Variants in EPC1 observed in about 807,000 individuals in gnomAD.
EPC1 encodes enhancer of polycomb homolog 1.
Under a neutral mutation model 98.4 loss-of-function variants are expected in EPC1, and 12 were observed. The ratio of observed to expected loss-of-function variants is 0.12; its 90% CI spans 0.08 to 0.20. The LOEUF (loss-of-function observed/expected upper bound fraction) is 0.20, where lower values mean the gene tolerates loss of function less well. EPC1 is among the 10% of genes least tolerant of loss of function. The pLI is 1.00. For synonymous variants in EPC1, 357 were observed against 363.9 expected, an observed-to-expected ratio of 0.98 and a Z score of 0.21; for missense variants, 729 against 990.5, an observed-to-expected ratio of 0.74 and a Z score of 3.54.
At chr10:32,335,340 T>C (rs1412157828) in intron 1 of EPC1, among the ~76,000 whole-genome samples, 3 of 152,152 alleles carry the variant, frequency 2.0e-5, no homozygotes, top group Non-Finnish European at 1.5e-5. Context: ...TCTCAAAGTC[T>C]TCCACTCTGT....
In EPC1 at chr10:32,336,371, T is replaced by C. The variant is rs111309643; in HGVS notation, c.153+10392A>G. ...GTGTGAGCCACCGTGCCCGGCCTAC[T>C]ACCTAATTTTTAATGCCTTCATCCC... On this transcript the variant is annotated intron_variant, in intron 1 of 13. Transcript: ENST00000319778. Among the ~76,000 whole-genome samples, 576 of 152,118 alleles carry C rather than the reference T, an allele frequency of 3.8e-3. 2 individuals are homozygous for C. The highest frequency in any genetic ancestry group is 0.013 in the African/African-American group (539 of 41,504).
chr10:32,336,213 C>A (rs113053065), intron 1 of EPC1, among the ~76,000 whole-genome samples: 1 of 151,898 alleles, frequency 6.6e-6, no homozygotes, highest in Non-Finnish European at 1.5e-5. Context: ...GGATTACAGG[C>A]GTCTGCCGCC....
chr10:32,308,104 C>T (rs960865495), intron 1 of EPC1, among the ~76,000 whole-genome samples: 1 of 152,084 alleles, frequency 6.6e-6, no homozygotes, highest in African/African-American at 2.4e-5. Context: ...ATGCCAATGT[C>T]GGCTGGACGT....
At chr10:32,271,444 T>C in intron 13 of EPC1, 110 bp downstream of exon 13, 4 of 1,211,638 alleles carry the variant, frequency 3.3e-6, no homozygotes, top group Non-Finnish European at 4.6e-6. Flanking sequence ...ACATTTTCAA[T>C]GTATAAAAGG....
At chr10:32,353,119 C>A (rs1190169946) in intron 1 of EPC1, among the ~76,000 whole-genome samples, 1 of 148,518 alleles carries the variant, frequency 6.7e-6, no homozygotes, top group African/African-American at 2.5e-5. Context: ...CGCGCCATTG[C>A]ACTCCAACCT....
chr10:32,358,765 C>T (rs75831488), intron 1 of EPC1, among the ~76,000 whole-genome samples: 2,841 of 152,156 alleles, frequency 0.019, 84 homozygotes, highest in African/African-American at 0.062. Flanking sequence ...AGGTTAGCTG[C>T]TTCATCATCT....
intron 1 of EPC1, among the ~76,000 whole-genome samples, chr10:32,360,364 G>A (rs1839407561): frequency 6.6e-6 from 1 of 152,150 alleles, no homozygotes; most frequent in Admixed American, 6.5e-5. Flanking sequence ...CTCCAAATCT[G>A]GTCAAGCTAG....
At chr10:32,350,397 A>G (rs1839077147), upstream of EPC1, among the ~76,000 whole-genome samples, 1 of 152,234 alleles carries the variant, frequency 6.6e-6, no homozygotes, top group South Asian at 2.1e-4. Context: ...TTGATCAGAC[A>G]GCATGGAGAA....
chr10:32,356,355 A>G (rs1390208464), intron 1 of EPC1, among the ~76,000 whole-genome samples: 1 of 151,990 alleles, frequency 6.6e-6, no homozygotes, highest in Admixed American at 6.6e-5. Flanking sequence ...CTTTCAGAGC[A>G]GGGAAGGGAA....
chr10:32,354,449 G>A (rs1026917842), intron 1 of EPC1, among the ~76,000 whole-genome samples: 1 of 151,780 alleles, frequency 6.6e-6, no homozygotes, highest in Middle Eastern at 3.2e-3. Flanking sequence ...GTGAGACTCT[G>A]CCTCAAAAAA....
At chr10:32,295,171 C>T (rs1039931645) in intron 2 of EPC1, among the ~76,000 whole-genome samples, 1 of 152,044 alleles carries the variant, frequency 6.6e-6, no homozygotes, top group African/African-American at 2.4e-5. Flanking sequence ...AGAGGCATGC[C>T]TTCTTTACTT....
At chr10:32,347,931 C>T (rs74128085), upstream of EPC1, among the ~76,000 whole-genome samples, 5,196 of 151,644 alleles carry the variant, frequency 0.034, 283 homozygotes, top group African/African-American at 0.12. Flanking sequence ...CCTGCATTTT[C>T]ATCTACACAT....
intron 1 of EPC1, among the ~76,000 whole-genome samples, chr10:32,366,455 T>C (rs1839606940): frequency 6.6e-6 from 1 of 152,208 alleles, no homozygotes; most frequent in South Asian, 2.1e-4. Context: ...TAATTTTTCA[T>C]GAAGTTACCT....
chr10:32,345,229 A>G, intron 1 of EPC1: 1 of 985,418 alleles, frequency 1.0e-6, no homozygotes, highest in Non-Finnish European at 1.2e-6. Flanking sequence ...GTCTCATGAG[A>G]CAATGTGCTG....
At chr10:32,271,947 C>T in intron 12 of EPC1, 30 bp from the exon 13 acceptor site, 1 of 1,602,836 alleles carries the variant, frequency 6.2e-7, no homozygotes, top group Non-Finnish European at 8.5e-7. Context: ...AACATCTAAA[C>T]AATGTACAAC....
In EPC1 at chr10:32,302,811, C is replaced by T. The variant is rs537146601; in HGVS notation, c.313+2961G>A. Among the ~76,000 whole-genome samples, 26 of 152,192 alleles carry T rather than the reference C, an allele frequency of 1.7e-4. No individual in the cohort carries two copies. In the South Asian group the frequency reaches 5.2e-3, roughly 30 times the overall value. On this transcript the variant is annotated intron_variant, in intron 2 of 13. Coordinates refer to ENST00000319778, the MANE Select transcript of EPC1 (RefSeq NM_001272004.3). ...AAGTACAATAAGATATTACTACACA[C>T]CTATTAGAATAGGCTAGGATAAAAA... is the stretch of plus-strand genomic sequence containing the variant.
intron 2 of EPC1, among the ~76,000 whole-genome samples, chr10:32,295,007 C>T (rs760599887): frequency 9.9e-5 from 15 of 152,146 alleles, no homozygotes; most frequent in Admixed American, 3.9e-4. Context: ...AGCCTGGTAT[C>T]ACTCATCTAG....
intron 10 of EPC1, among the ~76,000 whole-genome samples, chr10:32,275,584 G>A (rs1836040374): frequency 2.0e-5 from 3 of 147,580 alleles, no homozygotes; most frequent in South Asian, 2.2e-4. Context: ...GGCTAACACA[G>A]TGAAACCCCA....
chr10:32,330,429 T>TA (rs1252302483), intron 1 of EPC1, among the ~76,000 whole-genome samples: 1 of 152,204 alleles, frequency 6.6e-6, no homozygotes, highest in Admixed American at 6.5e-5. Flanking sequence ...ACCCATTTGT[T>TA]ACAGCTAGCT....
Sources: allele counts gnomAD v4.1 joint callset (sites outside exome capture counted in the v4.1 genomes callset), GRCh38; gene constraint gnomAD v4.1.1; transcripts MANE v1.5; gene names NCBI Gene and HGNC (gene_info 2026-07-23, HGNC 2026-07-21).